CWF19L2: variants seen among roughly 807,000 people sequenced by gnomAD.
The protein encoded by CWF19L2 is CWF19-like protein 2.
CWF19L2 carries 98 observed loss-of-function variants against 111.7 expected under a neutral mutation model. The observed-to-expected ratio is 0.88, with a 90% CI of 0.75 to 1.04. The LOEUF (loss-of-function observed/expected upper bound fraction) is 1.04. CWF19L2 is among the 50% of genes least tolerant of loss of function. The pLI, the probability that CWF19L2 is intolerant of heterozygous loss-of-function variation, is 0.00. For missense variants in CWF19L2, 1,101 were observed against 1,051.4 expected (o/e 1.05, Z -0.65); for synonymous variants, 351 against 342.9 (o/e 1.02, Z -0.26).
chr11:107,417,886 G>A lies in CWF19L2; in HGVS notation c.1527+308C>T, dbSNP rs182982662. Among the ~76,000 whole-genome samples, 361 of 151,834 alleles carry A rather than the reference G, an allele frequency of 2.4e-3. 1 individual carries two copies. The highest frequency in any genetic ancestry group is 3.9e-3 in the Non-Finnish European group (267 of 67,944). On this transcript the variant is annotated intron_variant, in intron 9 of 17. Transcript: ENST00000282251. ...GCGATTCTCCTGCCTCAGCCACCCC[G>A]ATAGCTGGAATTACAGGCATGCGCC...
chr11:107,384,994 AAATTC>A (rs1860744223), intron 12 of CWF19L2, among the ~76,000 whole-genome samples: 2 of 152,224 alleles, frequency 1.3e-5, no homozygotes, highest in Admixed American at 6.5e-5. Context: ...TTACTATCAA[AAATTC>A]AATAACTTAG....
intron 10 of CWF19L2, among the ~76,000 whole-genome samples, chr11:107,413,219 G>C (rs1235318951): frequency 6.6e-5 from 10 of 152,198 alleles, no homozygotes; most frequent in Admixed American, 1.3e-4. Flanking sequence ...TGTGCTTATG[G>C]AGGGGCAGGA....
rs867933399 is a variant in CWF19L2 at position 107,404,284 on chromosome 11, G to A, written c.1618-11389C>T. 1.9e-4 allele frequency: 150 copies of A among 780,856 alleles called. 3 individuals are homozygous for A. The highest frequency in any genetic ancestry group is 1.2e-3 in the Middle Eastern group (4 of 3,254). The allele number at this position is 780,856 out of a possible 1,614,324, so 48.4% of individuals were successfully genotyped here. A position where few individuals can be genotyped will look rare whatever the true frequency, so the allele number is the denominator to read the frequency against. On this transcript the variant is annotated intron_variant, in intron 10 of 17. Coordinates refer to ENST00000282251, the MANE Select transcript of CWF19L2 (RefSeq NM_152434.3). ...CTTCATCAGTGAGATCTCGCCACAT[G>A]CCACCAATAATCTTGCCAGTCTCCC...
rs12226158 is a variant in CWF19L2 at position 107,373,677 on chromosome 11, G to A, written c.1872+16397C>T. On this transcript the variant is annotated intron_variant, in intron 12 of 17. Transcript: ENST00000282251. ...AAACCACAAAGATGGGGAAAAAACA[G>A]AACAGAAAAACTGGAAACTCTAAAA... Among the ~76,000 whole-genome samples the A allele has an allele frequency of 2.3e-5, 3 of 131,096 alleles. 1 individual carries two copies. The highest frequency in any genetic ancestry group is 9.1e-5 in the African/African-American group (3 of 33,084). The allele number at this position is 131,096 out of a possible 152,430, so 86.0% of individuals were successfully genotyped here. A position where few individuals can be genotyped will look rare whatever the true frequency, so the allele number is the denominator to read the frequency against.
intron 10 of CWF19L2, among the ~76,000 whole-genome samples, chr11:107,402,057 C>T (rs1404027499): frequency 6.6e-6 from 1 of 152,130 alleles, no homozygotes; most frequent in African/African-American, 2.4e-5. Flanking sequence ...GGATGCTCAT[C>T]TCTCACTTTA....
chr11:107,456,390 A>C (rs1191481340), intron 1 of CWF19L2, among the ~76,000 whole-genome samples: 1 of 152,120 alleles, frequency 6.6e-6, no homozygotes, highest in Non-Finnish European at 1.5e-5. Flanking sequence ...ATTTATCTCA[A>C]CTTACGAAAC....
At chr11:107,378,470 A>T (rs1860629485) in intron 12 of CWF19L2, among the ~76,000 whole-genome samples, 1 of 152,172 alleles carries the variant, frequency 6.6e-6, no homozygotes, top group Non-Finnish European at 1.5e-5. Context: ...CTTTGTAGGG[A>T]CATGGATGAA....
At chr11:107,409,269 C>A (rs945639178) in intron 10 of CWF19L2, among the ~76,000 whole-genome samples, 1 of 151,978 alleles carries the variant, frequency 6.6e-6, no homozygotes, top group Admixed American at 6.6e-5. Context: ...AATAACTAGT[C>A]AAGTACCTGA....
chr11:107,329,894 A>T (rs757982182), intron 17 of CWF19L2, 24 bp downstream of exon 17: 1 of 1,493,934 alleles, frequency 6.7e-7, no homozygotes, highest in Non-Finnish European at 9.0e-7. Context: ...TAACTCTGGG[A>T]TTTTATCAAA....
intron 13 of CWF19L2, among the ~76,000 whole-genome samples, chr11:107,352,105 C>A (rs1860163801): frequency 6.6e-6 from 1 of 152,116 alleles, no homozygotes; most frequent in South Asian, 2.1e-4. Flanking sequence ...GCTTATAGTT[C>A]CCAGAATGAA....
At chr11:107,333,962 C>T (rs1859885864) in intron 16 of CWF19L2, among the ~76,000 whole-genome samples, 1 of 152,160 alleles carries the variant, frequency 6.6e-6, no homozygotes, top group Non-Finnish European at 1.5e-5. Context: ...GCCCTTGTAC[C>T]ATGAAAGCAG....
chr11:107,403,580 T>C (rs1861037189), intron 10 of CWF19L2: 4 of 785,552 alleles, frequency 5.1e-6, no homozygotes, highest in East Asian at 2.5e-5. Context: ...CTGTTGACTC[T>C]CTGTCGTTTC....
At chr11:107,416,056 C>T (rs1363330457) in intron 10 of CWF19L2, among the ~76,000 whole-genome samples, 153 bp downstream of exon 10, 2 of 151,976 alleles carry the variant, frequency 1.3e-5, no homozygotes, top group Non-Finnish European at 2.9e-5. Context: ...AAGATCATGC[C>T]ACTGCCCTGC....
chr11:107,406,742 C>T (rs80193302), intron 10 of CWF19L2, among the ~76,000 whole-genome samples: 1,711 of 149,186 alleles, frequency 0.011, 17 homozygotes, highest in Non-Finnish European at 0.019. Flanking sequence ...AAAGAATAAA[C>T]TCTTGGGTTT....
chr11:107,348,535 G>A (rs780110421), intron 14 of CWF19L2, among the ~76,000 whole-genome samples: 2 of 152,148 alleles, frequency 1.3e-5, no homozygotes, highest in East Asian at 1.9e-4. Flanking sequence ...AGGAAAATAC[G>A]GCAACCGCTA....
intron 7 of CWF19L2, among the ~76,000 whole-genome samples, chr11:107,432,546 G>A (rs988265150): frequency 5.3e-5 from 8 of 152,178 alleles, no homozygotes; most frequent in East Asian, 1.9e-4. Flanking sequence ...TCGTGCCACC[G>A]CACTCCAGCC....
At chr11:107,456,804 C>A (rs1861862335) in intron 1 of CWF19L2, among the ~76,000 whole-genome samples, 1 of 152,062 alleles carries the variant, frequency 6.6e-6, no homozygotes, top group Non-Finnish European at 1.5e-5. Context: ...GAGAAAAGAG[C>A]AGGGCTTATG....
chr11:107,407,030 T>C (rs558272919), intron 10 of CWF19L2, among the ~76,000 whole-genome samples: 57 of 152,192 alleles, frequency 3.7e-4, no homozygotes, highest in African/African-American at 1.3e-3. Flanking sequence ...TTCACTGTGA[T>C]ATAGCAAGTG....
intron 5 of CWF19L2, among the ~76,000 whole-genome samples, chr11:107,439,631 T>C (rs2135419112): frequency 6.6e-6 from 1 of 152,246 alleles, no homozygotes; most frequent in African/African-American, 2.4e-5. Context: ...TCTTTTTTTG[T>C]AGGGTAGGGA....
Sources: gnomAD v4.1 joint callset for allele counts (sites outside exome capture counted in the v4.1 genomes callset) on GRCh38, gnomAD v4.1.1 for gene constraint, MANE v1.5 for transcripts, NCBI Gene and HGNC (gene_info 2026-07-23, HGNC 2026-07-21) for gene names.